The following ABCC8 variants were observed in gnomAD, a reference collection of about 807,000 sequenced individuals.
The protein encoded by ABCC8 is ATP-binding cassette sub-family C member 8.
A neutral mutation model predicts 188.0 loss-of-function variants in ABCC8; 137 were observed. The ratio of observed to expected loss-of-function variants is 0.73; its 90% CI spans 0.63 to 0.84. The LOEUF (loss-of-function observed/expected upper bound fraction) is 0.84. Ranked by LOEUF, ABCC8 falls within the 40% of genes least tolerant of loss-of-function variation. The pLI, the probability that ABCC8 is intolerant of heterozygous loss-of-function variation, is 0.00. For synonymous variants in ABCC8, 797 were observed against 846.5 expected, an observed-to-expected ratio of 0.94 and a Z score of 1.01; for missense variants, 1,750 against 2,072.7, an observed-to-expected ratio of 0.84 and a Z score of 3.02.
In ABCC8 at chr11:17,460,621, T is replaced by G. The variant is rs587783175; in HGVS notation, c.878A>C (p.His293Pro). ...GAGGACCAGGCGCCTCCCGAAGGCA[T>G]GGCTGAGTGCCTGCCAGATGGCCCG... ...GARAIWQALS[H>P]AFGRRLVLSS... The change falls in exon 6 of 39, where the codon CAT (histidine) becomes CCT (proline). Residue 293 changes from histidine to proline, a missense_variant. Transcript: ENST00000389817. 1.2e-6 allele frequency: 2 copies of G among 1,612,756 alleles called. No homozygotes were observed. The highest frequency in any genetic ancestry group is 1.1e-5 in the South Asian group (1 of 91,078).
At chr11:17,439,516 G>T (rs1259005674) in intron 10 of ABCC8, among the ~76,000 whole-genome samples, 1 of 152,124 alleles carries the variant, frequency 6.6e-6, no homozygotes, top group South Asian at 2.1e-4. Flanking sequence ...AAGGCAGGAA[G>T]TCCAGAGGAG....
Position 17,427,952 on chromosome 11 carries a change from G to A in ABCC8, c.2041-10C>T. The A allele has an allele frequency of 6.2e-7, 1 of 1,613,114 alleles. No individual in the cohort carries two copies. Among genetic ancestry groups the A allele is most frequent in the South Asian group, 1.1e-5 (1 of 90,808 alleles). ...AGTAGCCTCCCATGATCTTCATTAG[G>A]CGTGTCCCACCGCCCAGGAGAGAAC... On this transcript the variant is annotated splice_polypyrimidine_tract_variant and intron_variant, in intron 14 of 38. Transcript: ENST00000389817. This position sits in a 1 kb window ranked among gnomAD's most constrained non-coding sequence, Gnocchi z 5.0.
At chr11:17,433,696 T>A (rs1955951975) in intron 10 of ABCC8, among the ~76,000 whole-genome samples, 1 of 152,230 alleles carries the variant, frequency 6.6e-6, no homozygotes, top group East Asian at 1.9e-4. Context: ...GTCCCCATCC[T>A]CGGGGAATTC....
At chr11:17,403,644 GGAAAGGTA>G (rs1954360240) in intron 28 of ABCC8, among the ~76,000 whole-genome samples, 1 of 152,008 alleles carries the variant, frequency 6.6e-6, no homozygotes, top group South Asian at 2.1e-4. Flanking sequence ...TGTGCACTTG[GGAAAGGTA>G]CTTAACCTTT....
Position 17,444,680 on chromosome 11 carries a change from A to G in ABCC8, c.1333-1368T>C, listed in dbSNP as rs531636496. Reference sequence around the variant, plus strand: ...TGAGTGTGCAAAGCAACTGTGAGAAATAAAAGGACTATTTTGTCTCCTATT... The same window carrying G: ...TGAGTGTGCAAAGCAACTGTGAGAAGTAAAAGGACTATTTTGTCTCCTATT... On this transcript the variant is annotated intron_variant, in intron 8 of 38. Transcript: ENST00000389817. Among the ~76,000 whole-genome samples, 37 of 152,338 alleles carry G rather than the reference A, an allele frequency of 2.4e-4. No homozygotes were observed. The Middle Eastern group carries it at 0.02, about 84-fold the overall frequency.
chr11:17,474,824 G>C, intron 2 of ABCC8, 62 bp downstream of exon 2: 1 of 1,550,468 alleles, frequency 6.4e-7, no homozygotes, highest in Non-Finnish European at 8.9e-7. Context: ...GGATCTCCTT[G>C]GGCCTTTCAG....
intron 7 of ABCC8, among the ~76,000 whole-genome samples, chr11:17,448,898 T>C (rs1180514134): frequency 1.3e-5 from 2 of 152,132 alleles, no homozygotes; most frequent in Non-Finnish European, 2.9e-5. Context: ...CAGGACTTAA[T>C]TGGTTCTTTA....
Position 17,428,405 on chromosome 11 carries a change from G to T in ABCC8, c.1924C>A (p.Pro642Thr). 4 of 1,612,490 alleles carry T rather than the reference G, an allele frequency of 2.5e-6. No individual in the cohort carries two copies. The highest frequency in any genetic ancestry group is 3.4e-6 in the Non-Finnish European group (4 of 1,178,764). The change falls in exon 14 of 39, where the codon CCC becomes ACC. Residue 642 changes from proline (P) to threonine (T), a missense_variant and splice_region_variant. Coordinates refer to ENST00000389817, the MANE Select transcript of ABCC8 (RefSeq NM_000352.6). Reference protein sequence around the residue: ...QGPASKYQAVPLRVVNRKRPA... With the variant: ...QGPASKYQAVTLRVVNRKRPA... ...CGCTTGCGGTTCACAACCCTGAGGG[G>T]CTGGGGGTGGTTTGGAGGTGAGGAC... is the stretch of plus-strand genomic sequence containing the variant.
chr11:17,407,724 C>G (rs924476550), intron 23 of ABCC8, among the ~76,000 whole-genome samples: 1 of 152,198 alleles, frequency 6.6e-6, no homozygotes, highest in East Asian at 1.9e-4. Flanking sequence ...CAAAGTGGCA[C>G]GTGACCCAGG....
intron 10 of ABCC8, among the ~76,000 whole-genome samples, chr11:17,435,011 G>GTGTGTGTGTGTGTGTGTA (rs1487011165): frequency 2.6e-5 from 4 of 151,934 alleles, no homozygotes; most frequent in African/African-American, 9.7e-5. Context: ...GTGTGTGTGT[G>GTGTGTGTGTGTGTGTGTA]TGTGTGTTTT....
chr11:17,472,350 A>T (rs1285187508), intron 2 of ABCC8, among the ~76,000 whole-genome samples: 1 of 152,242 alleles, frequency 6.6e-6, no homozygotes, highest in Non-Finnish European at 1.5e-5. Flanking sequence ...TCACTAACTT[A>T]TACTGTTTTG....
rs943118913 is a variant in ABCC8, at chr11:17,396,245, G to C, written c.4120-315C>G. The C allele has an allele frequency of 1.2e-5, 6 of 489,184 alleles. No individual in the cohort carries two copies. The Admixed American group carries it at 2.0e-4, about 16-fold the overall frequency. 30.3% of individuals were successfully genotyped at this position (489,184 alleles called of 1,614,324 possible). The stretch of plus-strand genomic sequence containing the variant: ...GGCAGTGGTGTGTCTCTATGGGCAT[G>C]GGTGTGGCAGGAGGACACAGGGGCA... On this transcript the variant is annotated intron_variant, in intron 33 of 38. Transcript: ENST00000389817.
At chr11:17,423,664 G>A (rs1407722588) in intron 16 of ABCC8, among the ~76,000 whole-genome samples, 1 of 152,210 alleles carries the variant, frequency 6.6e-6, no homozygotes, top group Non-Finnish European at 1.5e-5. Flanking sequence ...AACAGAGCTG[G>A]GAGCTGGGGC....
chr11:17,429,063 G>A, intron 12 of ABCC8: 1 of 256,948 alleles, frequency 3.9e-6, no homozygotes, highest in Non-Finnish European at 7.6e-6. Flanking sequence ...GCCAGACACT[G>A]TGTTAACTGT....
chr11:17,460,804 T>C (rs745669407), intron 5 of ABCC8, 128 bp from the exon 6 acceptor site: 11 of 1,524,108 alleles, frequency 7.2e-6, no homozygotes, highest in Non-Finnish European at 9.6e-6. Flanking sequence ...TGCAAATAGG[T>C]GAACTCCAGG....
intron 23 of ABCC8, among the ~76,000 whole-genome samples, chr11:17,407,816 A>T (rs1005723502): frequency 6.6e-6 from 1 of 152,070 alleles, no homozygotes; most frequent in Admixed American, 6.6e-5. Context: ...GACCAGTGAG[A>T]CTCAGCCCTG....
At chr11:17,438,382 G>GCACA (rs3831596) in intron 10 of ABCC8, among the ~76,000 whole-genome samples, 69,011 of 151,492 alleles carry the variant, frequency 0.46, 16,960 homozygotes, top group African/African-American at 0.66. Context: ...CTGACCACAT[G>GCACA]GTCACTATTC....
At chr11:17,412,913 A>G (rs982219409) in intron 20 of ABCC8, 167 bp from the exon 21 acceptor site, 11 of 1,443,034 alleles carry the variant, frequency 7.6e-6, no homozygotes, top group Non-Finnish European at 8.4e-6. Context: ...TACTGAATTC[A>G]TTCAGAAGAG....
At chr11:17,400,140 C>T (rs1157477296) in intron 29 of ABCC8, among the ~76,000 whole-genome samples, 1 of 152,180 alleles carries the variant, frequency 6.6e-6, no homozygotes, top group East Asian at 1.9e-4. Flanking sequence ...GTTAGTTCAG[C>T]TTTGATTGTC....
Sources: gnomAD v4.1 joint callset for allele counts (sites outside exome capture counted in the v4.1 genomes callset) on GRCh38, gnomAD v4.1.1 for gene constraint, Gnocchi (gnomAD v3.1) non-coding constraint, MANE v1.5 for transcripts, NCBI Gene and HGNC (gene_info 2026-07-23, HGNC 2026-07-21) for gene names.